The following TMEM273 variants were observed in gnomAD, a reference collection of about 807,000 sequenced individuals.
The protein encoded by TMEM273 is chromosome 10 open reading frame 128.
Under a neutral mutation model 17.9 loss-of-function variants are expected in TMEM273, and 19 were observed. The ratio of observed to expected loss-of-function variants is 1.06; its 90% CI spans 0.74 to 1.55. The LOEUF (loss-of-function observed/expected upper bound fraction) is 1.55, where lower values mean the gene tolerates loss of function less well. Ranked by LOEUF, TMEM273 falls within the 40% of genes most tolerant of loss-of-function variation. TMEM273 has a pLI of 0.00. For missense variants in TMEM273, 194 were observed against 155.6 expected, an observed-to-expected ratio of 1.25 and a Z score of -1.31; for synonymous variants, 66 against 62.0, an observed-to-expected ratio of 1.07 and a Z score of -0.31.
At chr10:49,168,223 C>T (rs1846324600) in intron 1 of TMEM273, among the ~76,000 whole-genome samples, 1 of 152,194 alleles carries the variant, frequency 6.6e-6, no homozygotes, top group Admixed American at 6.5e-5. Flanking sequence ...TGACCCAAGC[C>T]TGCTCCACAA....
intron 2 of TMEM273, 130 bp from the exon 3 acceptor site, chr10:49,167,139 T>A: frequency 7.9e-7 from 1 of 1,273,402 alleles, no homozygotes; most frequent in Non-Finnish European, 1.1e-6. Context: ...CAGCCTCACC[T>A]TCTACTCTCC....
At chr10:49,183,661 A>C (rs1033749791) in intron 1 of TMEM273, among the ~76,000 whole-genome samples, 1 of 152,124 alleles carries the variant, frequency 6.6e-6, no homozygotes, top group Non-Finnish European at 1.5e-5. Context: ...TGGGCCACTC[A>C]CCTGCTACTT....
At chr10:49,160,841 T>C (rs540549028) in intron 6 of TMEM273, 2 of 152,176 alleles carry the variant, frequency 1.3e-5, no homozygotes, top group African/African-American at 4.8e-5. Context: ...GGTGTATATA[T>C]TTTGATTGTC....
At chr10:49,182,925 C>G in intron 1 of TMEM273, among the ~76,000 whole-genome samples, 1 of 152,004 alleles carries the variant, frequency 6.6e-6, no homozygotes, top group South Asian at 2.1e-4. Context: ...ATGGATATCC[C>G]GAATCAAATC....
At chr10:49,162,092 G>T (rs574650910) in intron 5 of TMEM273, among the ~76,000 whole-genome samples, 96 of 152,248 alleles carry the variant, frequency 6.3e-4, no homozygotes, top group African/African-American at 2.3e-3. Context: ...CTATAGCCCT[G>T]ATAGCTCAAA....
intron 1 of TMEM273, among the ~76,000 whole-genome samples, chr10:49,181,148 C>T (rs1360105982): frequency 1.3e-5 from 2 of 152,188 alleles, no homozygotes; most frequent in Non-Finnish European, 1.5e-5. Context: ...TACAACACAA[C>T]TTACGATCAC....
chr10:49,163,702 GAGA>G (rs1845991398), intron 5 of TMEM273, among the ~76,000 whole-genome samples: 4 of 152,222 alleles, frequency 2.6e-5, no homozygotes, highest in African/African-American at 9.7e-5. Flanking sequence ...AGGGGACAGA[GAGA>G]AGGAGAGTGA....
Position 49,168,696 on chromosome 10 carries a change from G to GGGAT in TMEM273, c.44-735_44-734insATCC, listed in dbSNP as rs1228205528. Among the ~76,000 whole-genome samples the GGGAT allele has an allele frequency of 5.1e-5, 6 of 118,074 alleles. No homozygotes were observed. The East Asian group carries it at 1.4e-3, about 27-fold the overall frequency. 77.5% of individuals were successfully genotyped at this position (118,074 alleles called of 152,430 possible). On this transcript the variant is annotated intron_variant, in intron 1 of 6. Coordinates refer to ENST00000374153, the MANE Select transcript of TMEM273 (RefSeq NM_001288740.3). ...AGAAAGGAAGGAAGGAAGGAAGGGA[G>GGGAT]GGAGGGAGGGAGGGAGGGAGGGAGG...
At chr10:49,177,730 C>T (rs913341993) in intron 1 of TMEM273, among the ~76,000 whole-genome samples, 1 of 152,234 alleles carries the variant, frequency 6.6e-6, no homozygotes, top group Non-Finnish European at 1.5e-5. Flanking sequence ...TTGGGAGGGT[C>T]TCTTTTCTTT....
rs377684588 is a variant in TMEM273, at chr10:49,167,016, C to T, written c.98-7G>A. Reference sequence around the variant, plus strand: ...ATGAGGGCGTACTTGAAATCTGAAACGCAGGGAGGAATTGAACACCCGGTT... The same window carrying T: ...ATGAGGGCGTACTTGAAATCTGAAATGCAGGGAGGAATTGAACACCCGGTT... On this transcript the variant is annotated splice_polypyrimidine_tract_variant and splice_region_variant and intron_variant, in intron 2 of 6. Coordinates refer to ENST00000374153, the MANE Select transcript of TMEM273 (RefSeq NM_001288740.3). 169 of 1,613,534 alleles carry T rather than the reference C, an allele frequency of 1.0e-4. No homozygotes were observed. Among genetic ancestry groups the T allele is most frequent in the Admixed American group, 4.3e-4 (26 of 60,008 alleles).
At chr10:49,179,778 C>G (rs1465702009) in intron 1 of TMEM273, among the ~76,000 whole-genome samples, 1 of 152,136 alleles carries the variant, frequency 6.6e-6, no homozygotes, top group Non-Finnish European at 1.5e-5. Flanking sequence ...TGCCAATGGG[C>G]ACAAACACAG....
intron 3 of TMEM273, 35 bp from the exon 4 acceptor site, chr10:49,165,831 C>T (rs1202109049): frequency 5.6e-6 from 9 of 1,613,616 alleles, no homozygotes; most frequent in African/African-American, 2.7e-5. Context: ...GGAAGGGGGT[C>T]GTGTGACAAG....
intron 1 of TMEM273, among the ~76,000 whole-genome samples, chr10:49,173,074 G>A (rs781654752): frequency 3.3e-5 from 5 of 152,194 alleles, no homozygotes; most frequent in Admixed American, 6.5e-5. Context: ...GAGCTATGGG[G>A]CCAAGGGAGG....
intron 1 of TMEM273, among the ~76,000 whole-genome samples, chr10:49,187,610 C>T (rs1197414969): frequency 6.6e-6 from 1 of 152,172 alleles, no homozygotes; most frequent in Non-Finnish European, 1.5e-5. Context: ...CTAACCATCT[C>T]TCTATGTCTC....
chr10:49,177,643 G>A (rs1564641681), intron 1 of TMEM273, among the ~76,000 whole-genome samples: 2 of 152,158 alleles, frequency 1.3e-5, no homozygotes, highest in Middle Eastern at 3.2e-3. Context: ...CAGCATGGAG[G>A]GTGAACAGTC....
chr10:49,181,276 T>C (rs1171030228), intron 1 of TMEM273, among the ~76,000 whole-genome samples: 1 of 152,206 alleles, frequency 6.6e-6, no homozygotes, highest in Non-Finnish European at 1.5e-5. Flanking sequence ...GATAAAGATG[T>C]CAAATCTCCC....
At chr10:49,166,015 C>T (rs2132143121) in intron 3 of TMEM273, among the ~76,000 whole-genome samples, 1 of 152,248 alleles carries the variant, frequency 6.6e-6, no homozygotes, top group East Asian at 1.9e-4. Context: ...CTCCCATGGC[C>T]TATTAAGCCC....
chr10:49,185,481 G>A (rs951911888), intron 1 of TMEM273, among the ~76,000 whole-genome samples: 1 of 152,096 alleles, frequency 6.6e-6, no homozygotes, highest in African/African-American at 2.4e-5. Flanking sequence ...CCATCTGCCA[G>A]TAGATTGCAC....
intron 6 of TMEM273, chr10:49,161,175 A>C (rs1420106530): frequency 5.2e-6 from 1 of 191,206 alleles, no homozygotes; most frequent in Non-Finnish European, 1.1e-5. Flanking sequence ...CCTCTCCGAG[A>C]CCCCAAAGCA....
Sources: allele counts gnomAD v4.1 joint callset (sites outside exome capture counted in the v4.1 genomes callset), GRCh38; gene constraint gnomAD v4.1.1; transcripts MANE v1.5; gene names NCBI Gene and HGNC (gene_info 2026-07-23, HGNC 2026-07-21).